SNAPC5: variants seen among roughly 807,000 people sequenced by gnomAD.
The protein encoded by SNAPC5 is snRNA-activating protein complex subunit 5.
Under a neutral mutation model 9.1 loss-of-function variants are expected in SNAPC5, and 12 were observed. The ratio of observed to expected loss-of-function variants is 1.32; its 90% CI spans 0.85 to 2.15. The LOEUF is 2.15. SNAPC5 is among the 30% of genes most tolerant of loss of function. The pLI, the probability that SNAPC5 is intolerant of heterozygous loss-of-function variation, is 0.00. For missense variants in SNAPC5, 132 were observed against 114.4 expected (o/e 1.15, Z -0.70); for synonymous variants, 52 against 47.3 (o/e 1.10, Z -0.41).
downstream of SNAPC5, chr15:66,491,974 G>A (rs1162401724): frequency 6.6e-6 from 3 of 456,536 alleles, no homozygotes; most frequent in Admixed American, 7.0e-5. Flanking sequence ...GCTCATAGGA[G>A]GGCCTTGCTG....
Position 66,495,791 on chromosome 15 carries a change from A to G in SNAPC5, c.91-372T>C, listed in dbSNP as rs144457652. ...TTACTCAGTAATGAGAACGTGAAGG[A>G]AAGAAGAATAGAAAACAGAGGTGTT... On this transcript the variant is annotated intron_variant, in intron 1 of 2. Transcript: ENST00000316634. Among the ~76,000 whole-genome samples, 287 of 152,366 alleles carry G rather than the reference A, an allele frequency of 1.9e-3. No individual in the cohort carries two copies. The Middle Eastern group carries it at 0.034, about 18-fold the overall frequency.
chr15:66,490,875 C>T, downstream of SNAPC5: 1 of 539,642 alleles, frequency 1.9e-6, no homozygotes, highest in Non-Finnish European at 3.4e-6. Flanking sequence ...AAACCTGTGC[C>T]AGGCTGAATT....
downstream of SNAPC5, chr15:66,490,402 G>A: frequency 2.2e-6 from 2 of 897,338 alleles, no homozygotes; most frequent in Non-Finnish European, 3.7e-6. Context: ...TCCAAGTGCA[G>A]CACAAGCTCT....
downstream of SNAPC5, chr15:66,491,604 C>A: frequency 5.4e-6 from 1 of 186,812 alleles, no homozygotes; most frequent in Admixed American, 6.0e-5. Context: ...CTGGTTTAGC[C>A]AAGCAACACT....
chr15:66,497,311 C>T (rs1486677376), intron 1 of SNAPC5, among the ~76,000 whole-genome samples: 1 of 152,054 alleles, frequency 6.6e-6, no homozygotes, highest in African/African-American at 2.4e-5. Context: ...GGCGAGCCTT[C>T]GGGAGGGAGC....
At chr15:66,490,501 G>C, downstream of SNAPC5, 1 of 1,606,814 alleles carries the variant, frequency 6.2e-7, no homozygotes, top group Non-Finnish European at 8.5e-7. Flanking sequence ...CTTACATGCA[G>C]GTTCATGCTT....
downstream of SNAPC5, chr15:66,491,474 A>G (rs1893255556): frequency 4.7e-6 from 1 of 214,920 alleles, no homozygotes; most frequent in Admixed American, 5.8e-5. Flanking sequence ...ATTTTAACCT[A>G]GATGTTTAAC....
intron 1 of SNAPC5, 108 bp downstream of exon 1, chr15:66,497,534 A>C (rs1362152124): frequency 1.1e-6 from 1 of 932,696 alleles, no homozygotes. Flanking sequence ...ACAGCTAGTG[A>C]GTAGCGGAGA....
At chr15:66,491,921 C>T (rs1309412947), downstream of SNAPC5, 1 of 454,222 alleles carries the variant, frequency 2.2e-6, no homozygotes. Flanking sequence ...TTCCATATAC[C>T]AATAGTTGAG....
At chr15:66,490,820 G>A (rs1276517617), downstream of SNAPC5, 103 of 648,032 alleles carry the variant, frequency 1.6e-4, no homozygotes, top group Non-Finnish European at 5.7e-6. Flanking sequence ...CCCCTAAGTG[G>A]ATTGGCTTTG....
intron 1 of SNAPC5, among the ~76,000 whole-genome samples, chr15:66,496,380 C>CTG (rs1893433941): frequency 6.6e-6 from 1 of 152,006 alleles, no homozygotes; most frequent in Non-Finnish European, 1.5e-5. Flanking sequence ...CAGGAGAATC[C>CTG]CTTGAACCCG....
intron 1 of SNAPC5, among the ~76,000 whole-genome samples, chr15:66,496,113 T>C (rs1893425116): frequency 6.6e-6 from 1 of 151,844 alleles, no homozygotes. Flanking sequence ...GTCACAGGTG[T>C]ACAATACTTT....
intron 2 of SNAPC5, 52 bp downstream of exon 2, chr15:66,495,278 G>C (rs1002599699): frequency 1.9e-6 from 2 of 1,029,726 alleles, no homozygotes; most frequent in African/African-American, 3.1e-5. Flanking sequence ...AGCAGCATGG[G>C]AGCAGAGCAG....
downstream of SNAPC5, chr15:66,489,861 T>A: frequency 9.8e-7 from 1 of 1,019,392 alleles, no homozygotes; most frequent in Non-Finnish European, 1.6e-6. Context: ...ATTCATTCCC[T>A]GCCCACTGTG....
Position 66,497,525 on chromosome 15 carries a change from CAGCT to C in SNAPC5, c.90+113_90+116del, listed in dbSNP as rs764833465. ...GTAAACCTCTAAATTGGCGCCACCA[CAGCT>C]AGTGAGTAGCGGAGAACTGGCCGCA... On this transcript the variant is annotated intron_variant, in intron 1 of 2. Coordinates refer to ENST00000316634, the MANE Select transcript of SNAPC5 (RefSeq NM_001329615.2). 1.1e-5 allele frequency: 10 copies of C among 899,456 alleles called. No homozygotes were observed. In the Admixed American group the frequency reaches 1.7e-4, roughly 16 times the overall value. The allele number at this position is 899,456 out of a possible 1,614,324, so 55.7% of individuals were successfully genotyped here. A position where few individuals can be genotyped will look rare whatever the true frequency, so the allele number is the denominator to read the frequency against.
intron 1 of SNAPC5, 52 bp from the exon 2 acceptor site, chr15:66,495,471 G>T: frequency 1.0e-6 from 1 of 986,030 alleles, no homozygotes; most frequent in South Asian, 1.3e-5. Context: ...CTGGACTACT[G>T]ATGTGGGTAA....
At chr15:66,494,835 A>G in intron 2 of SNAPC5, 1 of 372,964 alleles carries the variant, frequency 2.7e-6, no homozygotes, top group African/African-American at 2.1e-5. Context: ...TCATGGTTTT[A>G]AATGTCTTAA....
At chr15:66,490,295 C>G (rs1297785671), downstream of SNAPC5, 1 of 686,210 alleles carries the variant, frequency 1.5e-6, no homozygotes, top group East Asian at 2.7e-5. Context: ...CAAGAGGTGA[C>G]TTGCCCAAGG....
chr15:66,491,431 A>C (rs74022018), downstream of SNAPC5: 313 of 227,832 alleles, frequency 1.4e-3, 1 homozygote, highest in African/African-American at 6.7e-3. Context: ...CAACGTGTAT[A>C]GTGCCTAAAA....
Sources: allele counts gnomAD v4.1 joint callset (sites outside exome capture counted in the v4.1 genomes callset), GRCh38; gene constraint gnomAD v4.1.1; transcripts MANE v1.5; gene names NCBI Gene and HGNC (gene_info 2026-07-23, HGNC 2026-07-21).